The following C10orf90 variants were observed in gnomAD, a reference collection of about 807,000 sequenced individuals.
C10orf90 encodes chromosome 10 open reading frame 90.
In C10orf90, 56 loss-of-function variants were observed where a neutral mutation model predicts 62.5. The ratio of observed to expected loss-of-function variants is 0.90; its 90% confidence interval spans 0.72 to 1.12. The LOEUF is 1.12. Ranked by LOEUF, C10orf90 falls within the 50% of genes most tolerant of loss-of-function variation. C10orf90 has a pLI of 0.00. For missense variants in C10orf90, 970 were observed against 880.4 expected, an observed-to-expected ratio of 1.10 and a Z score of -1.29; for synonymous variants, 386 against 340.4, an observed-to-expected ratio of 1.13 and a Z score of -1.47.
intron 1 of C10orf90, among the ~76,000 whole-genome samples, chr10:126,655,907 T>C (rs1457345884): frequency 2.0e-5 from 3 of 151,850 alleles, no homozygotes; most frequent in Non-Finnish European, 4.4e-5. Context: ...ATGACATGCA[T>C]GCCCTGGGCC....
chr10:126,651,648 G>A (rs1591176004), intron 1 of C10orf90, among the ~76,000 whole-genome samples: 1 of 152,220 alleles, frequency 6.6e-6, no homozygotes, highest in African/African-American at 2.4e-5. Flanking sequence ...GAAGAGATGG[G>A]AGAAAACAGC....
intron 2 of C10orf90, among the ~76,000 whole-genome samples, chr10:126,536,647 C>T (rs1239295937): frequency 6.6e-6 from 1 of 152,168 alleles, no homozygotes; most frequent in Non-Finnish European, 1.5e-5. Flanking sequence ...CTCTCCACAC[C>T]AAGACTGTCT....
intron 2 of C10orf90, among the ~76,000 whole-genome samples, chr10:126,535,124 T>C (rs893097): frequency 1.9e-3 from 288 of 152,256 alleles, no homozygotes; most frequent in African/African-American, 6.7e-3. Context: ...CTGATAAATA[T>C]ATATACATAC....
intron 2 of C10orf90, among the ~76,000 whole-genome samples, chr10:126,566,884 G>T (rs890831141): frequency 2.0e-5 from 3 of 152,132 alleles, no homozygotes; most frequent in Non-Finnish European, 4.4e-5. Flanking sequence ...GTGGGGGAGG[G>T]ACTTTAAAAT....
At chr10:126,655,629 C>G (rs1272322736) in intron 1 of C10orf90, among the ~76,000 whole-genome samples, 1 of 152,080 alleles carries the variant, frequency 6.6e-6, no homozygotes, top group Non-Finnish European at 1.5e-5. Flanking sequence ...AAATGTCCTT[C>G]CCCAGGAATT....
At chr10:126,471,222 A>G (rs1564816032) in intron 4 of C10orf90, among the ~76,000 whole-genome samples, 1 of 152,142 alleles carries the variant, frequency 6.6e-6, no homozygotes, top group African/African-American at 2.4e-5. Context: ...TGGGAATGCC[A>G]AGGAGGACAG....
rs373037251 is a variant in C10orf90, at chr10:126,503,945, C to T, written c.1534+12G>A. ...CTCAGGTCACCCTCCTGCAGATGGA[C>T]GCACCACTCACCTGCCCTGTAACTC... On this transcript the variant is annotated intron_variant, in intron 4 of 9. Transcript: ENST00000488181. The T allele has an allele frequency of 6.4e-5, 102 of 1,598,724 alleles. No individual in the cohort carries two copies. The highest frequency in any genetic ancestry group is 4.4e-4 in the Middle Eastern group (2 of 4,524).
chr10:126,531,205 T>A (rs920794851), intron 2 of C10orf90, among the ~76,000 whole-genome samples: 4 of 151,852 alleles, frequency 2.6e-5, no homozygotes, highest in Non-Finnish European at 5.9e-5. Context: ...AAAAGAAAAT[T>A]ACAGATCAAA....
chr10:126,496,542 A>T, intron 4 of C10orf90: 1 of 438,838 alleles, frequency 2.3e-6, no homozygotes, highest in Non-Finnish European at 3.0e-6. Context: ...ATACTTGATT[A>T]TTCTTACCGA....
intron 2 of C10orf90, among the ~76,000 whole-genome samples, chr10:126,596,792 G>T (rs556874197): frequency 1.1e-4 from 17 of 152,192 alleles, no homozygotes; most frequent in Non-Finnish European, 2.4e-4. Context: ...CCATTGTAAA[G>T]TTGAAAAATC....
At chr10:126,541,672 C>T (rs1374725745) in intron 2 of C10orf90, among the ~76,000 whole-genome samples, 1 of 152,104 alleles carries the variant, frequency 6.6e-6, no homozygotes, top group Non-Finnish European at 1.5e-5. Context: ...ACTAAAATGG[C>T]TATAATTAAA....
At chr10:126,496,520 TG>T in intron 4 of C10orf90, 1 of 296,038 alleles carries the variant, frequency 3.4e-6, no homozygotes, top group South Asian at 1.3e-4. Context: ...ACAATAAAGT[TG>T]TTCCTTGACA....
chr10:126,481,839 C>T (rs1004611729), intron 4 of C10orf90, among the ~76,000 whole-genome samples: 1 of 152,260 alleles, frequency 6.6e-6, no homozygotes, highest in African/African-American at 2.4e-5. Context: ...ATGCCTTGTC[C>T]CAAAGACCAG....
chr10:126,546,228 G>C (rs1864488453), intron 2 of C10orf90, among the ~76,000 whole-genome samples: 1 of 152,172 alleles, frequency 6.6e-6, no homozygotes, highest in Non-Finnish European at 1.5e-5. Flanking sequence ...GAATAAAACT[G>C]TACCCTCATG....
intron 2 of C10orf90, among the ~76,000 whole-genome samples, chr10:126,557,010 TAAAAAAAA>T (rs200947401): frequency 7.6e-6 from 1 of 131,948 alleles, no homozygotes; most frequent in Non-Finnish European, 1.6e-5. Flanking sequence ...TTAATCAATT[TAAAAAAAA>T]AAAAAAAAAG....
intron 1 of C10orf90, among the ~76,000 whole-genome samples, chr10:126,662,310 G>C (rs544023845): frequency 6.6e-6 from 1 of 152,056 alleles, no homozygotes; most frequent in South Asian, 2.1e-4. Context: ...TAAAGGACCC[G>C]AATGATTCAT....
At chr10:126,523,706 C>G (rs1863848047) in intron 2 of C10orf90, 1 of 152,150 alleles carries the variant, frequency 6.6e-6, no homozygotes, top group South Asian at 2.1e-4. Flanking sequence ...AACAGAAACT[C>G]TCTCCCCATT....
chr10:126,579,487 C>T lies in C10orf90; in HGVS notation c.314-65548G>A, dbSNP rs1220849143. Among the ~76,000 whole-genome samples the T allele has an allele frequency of 3.3e-5, 5 of 152,190 alleles. No individual in the cohort carries two copies. In the East Asian group the frequency reaches 7.8e-4, roughly 24 times the overall value. ...AACTCCTGAACTCAAGCGATCCACCCACCTTGGCCTCCCAAAGTGCTGGGC... is the reference window on the plus strand; with the variant it reads ...AACTCCTGAACTCAAGCGATCCACCTACCTTGGCCTCCCAAAGTGCTGGGC... On this transcript the variant is annotated intron_variant, in intron 2 of 9. Coordinates refer to ENST00000488181, the MANE Select transcript of C10orf90 (RefSeq NM_001350921.2).
chr10:126,542,979 A>T (rs1317370357), intron 2 of C10orf90, among the ~76,000 whole-genome samples: 1 of 152,192 alleles, frequency 6.6e-6, no homozygotes, highest in Non-Finnish European at 1.5e-5. Flanking sequence ...TAAAAATTTT[A>T]AAAACTGTCA....
Sources: allele counts gnomAD v4.1 joint callset (sites outside exome capture counted in the v4.1 genomes callset), GRCh38; gene constraint gnomAD v4.1.1; transcripts MANE v1.5; gene names NCBI Gene and HGNC (gene_info 2026-07-23, HGNC 2026-07-21).